ADGRD1: variants seen among roughly 807,000 people sequenced by gnomAD.
ADGRD1 encodes G-protein coupled receptor 133.
Under a neutral mutation model 113.4 loss-of-function variants are expected in ADGRD1, and 77 were observed. The ratio of observed to expected loss-of-function variants is 0.68; its 90% CI spans 0.57 to 0.82. The LOEUF (loss-of-function observed/expected upper bound fraction) is 0.82, where lower values mean the gene tolerates loss of function less well. Among genes scored for constraint, ADGRD1 ranks in the 40% least tolerant of loss-of-function variants. The pLI is 0.00. For synonymous variants in ADGRD1, 474 were observed against 475.0 expected (o/e 1.00, Z 0.03); for missense variants, 1,036 against 1,139.1 (o/e 0.91, Z 1.30).
chr12:130,972,733 G>C (rs558790395), intron 4 of ADGRD1, among the ~76,000 whole-genome samples: 1 of 152,262 alleles, frequency 6.6e-6, no homozygotes, highest in South Asian at 2.1e-4. Flanking sequence ...GGGCATATCT[G>C]TGGTGGCTTT....
chr12:131,000,310 G>A lies in ADGRD1; in HGVS notation c.967-73G>A, dbSNP rs1041586300. The A allele has an allele frequency of 2.2e-5, 25 of 1,140,764 alleles. No homozygotes were observed. The Middle Eastern group carries it at 5.8e-4, about 27-fold the overall frequency. The allele number at this position is 1,140,764 out of a possible 1,614,324, so 70.7% of individuals were successfully genotyped here. On this transcript the variant is annotated intron_variant, in intron 8 of 24. Coordinates refer to ENST00000261654, the MANE Select transcript of ADGRD1 (RefSeq NM_198827.5). ...TTGATAGAGACCCATTGGAAGATGC[G>A]GGGAAAACTGAAGGTCTTCAAGTTT...
At chr12:131,103,633 A>G (rs1167963150) in intron 15 of ADGRD1, among the ~76,000 whole-genome samples, 4 of 152,244 alleles carry the variant, frequency 2.6e-5, no homozygotes, top group East Asian at 1.9e-4. Flanking sequence ...CTCATTGCCA[A>G]CAGCTCCTTA....
chr12:131,012,010 T>G (rs1593355130), intron 12 of ADGRD1, among the ~76,000 whole-genome samples: 1 of 152,258 alleles, frequency 6.6e-6, no homozygotes, highest in South Asian at 2.1e-4. Flanking sequence ...CTTTCTGCGG[T>G]GGGGACTGAG....
At chr12:131,104,545 G>A (rs1387159320) in intron 15 of ADGRD1, among the ~76,000 whole-genome samples, 1 of 152,016 alleles carries the variant, frequency 6.6e-6, no homozygotes, top group Non-Finnish European at 1.5e-5. Context: ...GAGGCTCAGC[G>A]CCTGCCCGGG....
Position 131,022,292 on chromosome 12 carries a change from C to T in ADGRD1, c.1473+7952C>T, listed in dbSNP as rs7978739. ...GTAAAGGGATGGTTTTCCCCTTTGC[C>T]TAGAATAAATATCTTGGTGGTGGGG... On this transcript the variant is annotated intron_variant, in intron 13 of 24. Transcript: ENST00000261654. The surrounding 1 kb of genome is among the most constrained non-coding windows in gnomAD (Gnocchi z 4.6). 0.079 allele frequency among the ~76,000 whole-genome samples: 12,035 copies of T among 152,100 alleles called. 636 individuals are homozygous for T. Among genetic ancestry groups the T allele is most frequent in the Middle Eastern group, 0.12 (35 of 294 alleles).
At position 131,138,240 on chromosome 12, in the gene ADGRD1, C is replaced by T. The variant is rs1593283296; in HGVS notation, c.2529+11C>T. The T allele has an allele frequency of 6.2e-7, 1 of 1,607,568 alleles. No individual in the cohort carries two copies. Among genetic ancestry groups the T allele is most frequent in the Non-Finnish European group, 8.5e-7 (1 of 1,174,888 alleles). ...TTCCACTCGGACCTCGTGAGTGCAG[C>T]CTCCATAAACCGAGGGTCCCAGCCC... On this transcript the variant is annotated intron_variant, in intron 24 of 24. Coordinates refer to ENST00000261654, the MANE Select transcript of ADGRD1 (RefSeq NM_198827.5).
chr12:130,974,950 A>G (rs1261233045), intron 4 of ADGRD1, among the ~76,000 whole-genome samples: 1 of 152,080 alleles, frequency 6.6e-6, no homozygotes, highest in Non-Finnish European at 1.5e-5. Context: ...CATGTTCTTA[A>G]GGTCACTTGC....
Position 131,057,172 on chromosome 12 carries a change from C to G in ADGRD1, c.1474-19629C>G, listed in dbSNP as rs756817101. On this transcript the variant is annotated intron_variant, in intron 13 of 24. Coordinates refer to ENST00000261654, the MANE Select transcript of ADGRD1 (RefSeq NM_198827.5). This position sits in a 1 kb window ranked among gnomAD's most constrained non-coding sequence, Gnocchi z 4.2. ...TTGCAGGAAATAATCACAGGCTACCCCCGCTGTGATAAACAGGTTTGAAGA... is the reference window on the plus strand; with the variant it reads ...TTGCAGGAAATAATCACAGGCTACCGCCGCTGTGATAAACAGGTTTGAAGA... Among the ~76,000 whole-genome samples the G allele has an allele frequency of 6.6e-6, 1 of 152,130 alleles. No homozygotes were observed. The highest frequency in any genetic ancestry group is 1.5e-5 in the Non-Finnish European group (1 of 68,024).
chr12:131,053,713 C>T (rs1883608838), intron 13 of ADGRD1, among the ~76,000 whole-genome samples: 1 of 152,198 alleles, frequency 6.6e-6, no homozygotes, highest in South Asian at 2.1e-4. Flanking sequence ...GACAACCCCA[C>T]CACTGACTCA....
At chr12:130,964,845 T>C (rs576629462) in intron 2 of ADGRD1, among the ~76,000 whole-genome samples, 1 of 152,352 alleles carries the variant, frequency 6.6e-6, no homozygotes, top group Admixed American at 6.5e-5. Flanking sequence ...TGCCTTATCA[T>C]TGAGTGTGAA....
chr12:130,958,732 C>A (rs1056098868), intron 2 of ADGRD1, among the ~76,000 whole-genome samples: 2 of 152,246 alleles, frequency 1.3e-5, no homozygotes, highest in Admixed American at 6.5e-5. Context: ...CACAAACACA[C>A]CAACAGAAAC....
intron 23 of ADGRD1, chr12:131,137,507 A>T: frequency 5.0e-6 from 1 of 201,234 alleles, no homozygotes; most frequent in Non-Finnish European, 1.0e-5. Context: ...TTCCTGTGGG[A>T]GAACTTTTCC....
intron 13 of ADGRD1, 94 bp from the exon 14 acceptor site, chr12:131,076,707 G>A (rs377521142): frequency 1.1e-5 from 11 of 1,046,564 alleles, no homozygotes; most frequent in Admixed American, 6.8e-5. Context: ...ACCTGAGGTC[G>A]CCCAGCTGTA....
intron 13 of ADGRD1, among the ~76,000 whole-genome samples, chr12:131,046,639 G>C (rs1230650964): frequency 1.6e-5 from 2 of 125,866 alleles, no homozygotes; most frequent in Non-Finnish European, 3.3e-5. Flanking sequence ...GTCCTCCCTG[G>C]TCAGTGCTCC....
chr12:130,975,972 T>C (rs1208157262), intron 4 of ADGRD1, among the ~76,000 whole-genome samples: 1 of 152,206 alleles, frequency 6.6e-6, no homozygotes, highest in East Asian at 1.9e-4. Flanking sequence ...CCTTTGCTTT[T>C]TCCTCACATG....
chr12:131,073,708 G>A (rs188616596), intron 13 of ADGRD1, among the ~76,000 whole-genome samples: 8 of 152,316 alleles, frequency 5.3e-5, no homozygotes, highest in Non-Finnish European at 1.0e-4. Flanking sequence ...TCGGGCAGCC[G>A]TGTCTGGTGA....
At chr12:131,039,607 T>C (rs531109038) in intron 13 of ADGRD1, among the ~76,000 whole-genome samples, 1 of 152,286 alleles carries the variant, frequency 6.6e-6, no homozygotes, top group African/African-American at 2.4e-5. Flanking sequence ...CACTTGTTTG[T>C]TGAAGGCTTT....
intron 19 of ADGRD1, 53 bp downstream of exon 19, chr12:131,118,504 T>C: frequency 2.9e-6 from 4 of 1,371,474 alleles, no homozygotes; most frequent in Non-Finnish European, 4.1e-6. Context: ...GAACAGCTTG[T>C]GGCGAGAGCC....
chr12:131,089,292 C>T (rs1159050703), intron 15 of ADGRD1, among the ~76,000 whole-genome samples: 3 of 152,164 alleles, frequency 2.0e-5, no homozygotes, highest in Admixed American at 6.5e-5. Context: ...AAAAGGAGCC[C>T]GAACCAAGGG....
Sources: allele counts gnomAD v4.1 joint callset (sites outside exome capture counted in the v4.1 genomes callset), GRCh38; gene constraint gnomAD v4.1.1; non-coding constraint Gnocchi (gnomAD v3.1); transcripts MANE v1.5; gene names NCBI Gene and HGNC (gene_info 2026-07-23, HGNC 2026-07-21).